Variants in EFCAB8 observed in about 807,000 individuals in gnomAD.
EFCAB8 encodes EF-hand calcium binding domain 8.
EFCAB8 carries 100 observed loss-of-function variants against 116.3 expected under a neutral mutation model. The observed-to-expected ratio is 0.86, with a 90% confidence interval of 0.73 to 1.02. The LOEUF is 1.02. Ranked by LOEUF, EFCAB8 falls within the 50% of genes least tolerant of loss-of-function variation. The pLI is 0.00. For synonymous variants in EFCAB8, 558 were observed against 567.9 expected (o/e 0.98, Z 0.25); for missense variants, 1,320 against 1,416.9 (o/e 0.93, Z 1.10).
chr20:32,956,555 G>A (rs1403286726), intron 23 of EFCAB8, among the ~76,000 whole-genome samples: 3 of 151,812 alleles, frequency 2.0e-5, no homozygotes, highest in Non-Finnish European at 2.9e-5. Flanking sequence ...TATTTTACTG[G>A]GTATAGAATT....
intron 11 of EFCAB8, among the ~76,000 whole-genome samples, chr20:32,903,206 C>T (rs924881601): frequency 3.9e-5 from 6 of 152,240 alleles, no homozygotes; most frequent in South Asian, 4.1e-4. Flanking sequence ...CCCACCACAC[C>T]GGCCTTGCAT....
At chr20:32,946,961 G>A (rs565584800) in intron 23 of EFCAB8, among the ~76,000 whole-genome samples, 97 of 152,308 alleles carry the variant, frequency 6.4e-4, no homozygotes, top group Non-Finnish European at 1.0e-3. Context: ...GAACGTATCA[G>A]TAGTTTGTTC....
At chr20:32,886,732 C>A (rs968493960) in intron 6 of EFCAB8, among the ~76,000 whole-genome samples, 2 of 152,304 alleles carry the variant, frequency 1.3e-5, no homozygotes, top group East Asian at 3.9e-4. Context: ...CAAAGCACCT[C>A]CAAAGGCTGA....
At chr20:32,894,070 A>G (rs1986046732) in intron 9 of EFCAB8, among the ~76,000 whole-genome samples, 2 of 152,192 alleles carry the variant, frequency 1.3e-5, no homozygotes, top group Non-Finnish European at 1.5e-5. Context: ...CTAGATCCCC[A>G]GAGGATACGG....
intron 23 of EFCAB8, among the ~76,000 whole-genome samples, chr20:32,950,371 A>C (rs1812905593): frequency 6.6e-6 from 1 of 152,252 alleles, no homozygotes; most frequent in South Asian, 2.1e-4. Flanking sequence ...AAGAGGTTTG[A>C]ATAGACACTT....
chr20:32,872,633 A>C (rs1984740487), intron 3 of EFCAB8, among the ~76,000 whole-genome samples: 1 of 151,762 alleles, frequency 6.6e-6, no homozygotes, highest in African/African-American at 2.4e-5. Context: ...GTCCCTACTA[A>C]AAATACAAAA....
chr20:32,918,403 C>T lies in EFCAB8; in HGVS notation c.2103C>T (p.Pro701=). ...VNNCLAESHR[P]SRPYVEREKW... ...ACTGCCTGGCTGAGAGCCACAGGCC[C>T]AGCAGACCCTATGTGGAGCGGGAGA... The change falls in exon 19 of 27, where the codon CCC becomes CCT. Residue 701 remains proline, a synonymous_variant. Coordinates refer to ENST00000400522, the MANE Select transcript of EFCAB8 (RefSeq NM_001143967.2). The T allele has an allele frequency of 6.4e-7, 1 of 1,551,746 alleles. No homozygotes were observed. Among genetic ancestry groups the T allele is most frequent in the African/African-American group, 1.4e-5 (1 of 73,172 alleles).
chr20:32,931,895 A>G (rs886885687), intron 22 of EFCAB8, among the ~76,000 whole-genome samples: 1 of 152,256 alleles, frequency 6.6e-6, no homozygotes, highest in African/African-American at 2.4e-5. Flanking sequence ...ACTCACTACA[A>G]AATGGAGAAC....
At chr20:32,954,324 T>C (rs532333518) in intron 23 of EFCAB8, among the ~76,000 whole-genome samples, 1 of 152,354 alleles carries the variant, frequency 6.6e-6, no homozygotes, top group South Asian at 2.1e-4. Flanking sequence ...AAAATAACAG[T>C]CCAGTTTTAC....
intron 20 of EFCAB8, among the ~76,000 whole-genome samples, chr20:32,920,980 C>G (rs1987423906): frequency 6.6e-6 from 1 of 152,152 alleles, no homozygotes; most frequent in South Asian, 2.1e-4. Context: ...GTACCTTCCC[C>G]TTTCTGACCC....
intron 23 of EFCAB8, among the ~76,000 whole-genome samples, chr20:32,957,623 T>A (rs1989011817): frequency 6.6e-6 from 1 of 152,188 alleles, no homozygotes; most frequent in East Asian, 1.9e-4. Flanking sequence ...GCCTCCCTGG[T>A]GCTCGGCAAA....
intron 12 of EFCAB8, 59 bp downstream of exon 12, chr20:32,906,688 G>T: frequency 2.8e-6 from 2 of 717,836 alleles, no homozygotes; most frequent in Non-Finnish European, 5.2e-6. Flanking sequence ...GGGATGGGGG[G>T]ACCACCAGAG....
intron 4 of EFCAB8, among the ~76,000 whole-genome samples, chr20:32,876,426 C>T (rs1984978566): frequency 6.6e-6 from 1 of 150,798 alleles, no homozygotes; most frequent in African/African-American, 2.5e-5. Flanking sequence ...GTGGCTGTTA[C>T]ATCTAAAAGT....
intron 1 of EFCAB8, among the ~76,000 whole-genome samples, chr20:32,860,931 G>A (rs1487150758): frequency 1.3e-5 from 2 of 151,918 alleles, no homozygotes; most frequent in Admixed American, 1.3e-4. Context: ...GTACAGATGG[G>A]GTTTCACCAT....
Position 32,896,445 on chromosome 20 carries a change from C to A in EFCAB8, c.884-9C>A. The A allele has an allele frequency of 1.4e-6, 1 of 718,406 alleles. No homozygotes were observed. The highest frequency in any genetic ancestry group is 2.6e-6 in the Non-Finnish European group (1 of 385,034). 44.5% of individuals were successfully genotyped at this position (718,406 alleles called of 1,614,324 possible). A position where few individuals can be genotyped will look rare whatever the true frequency, so the allele number is the denominator to read the frequency against. On this transcript the variant is annotated splice_polypyrimidine_tract_variant and intron_variant, in intron 9 of 26. Coordinates refer to ENST00000400522, the MANE Select transcript of EFCAB8 (RefSeq NM_001143967.2). ...TGCTGATGTGGACCTTGGTTTTTTC[C>A]CCTATCAGATCACTGGATCAAAGTT... is the stretch of plus-strand genomic sequence containing the variant.
intron 5 of EFCAB8, among the ~76,000 whole-genome samples, chr20:32,882,942 G>A (rs922250650): frequency 6.6e-6 from 1 of 151,926 alleles, no homozygotes; most frequent in Admixed American, 6.6e-5. Context: ...TGATCTGCCC[G>A]CCTCGGCCTC....
chr20:32,884,001 G>T (rs572396297), intron 5 of EFCAB8, among the ~76,000 whole-genome samples: 1 of 152,274 alleles, frequency 6.6e-6, no homozygotes, highest in South Asian at 2.1e-4. Flanking sequence ...CTTCCAAAGT[G>T]CTGGGATTAC....
At chr20:32,923,710 A>G (rs535729631) in intron 20 of EFCAB8, among the ~76,000 whole-genome samples, 2 of 152,304 alleles carry the variant, frequency 1.3e-5, no homozygotes, top group South Asian at 4.1e-4. Flanking sequence ...TGCATGTATT[A>G]TTCCGGGACT....
At chr20:32,865,962 T>C (rs1984379263) in intron 2 of EFCAB8, among the ~76,000 whole-genome samples, 1 of 151,888 alleles carries the variant, frequency 6.6e-6, no homozygotes. Context: ...GGCTTATATG[T>C]AGGAGATGGA....
Sources: allele counts gnomAD v4.1 joint callset (sites outside exome capture counted in the v4.1 genomes callset), GRCh38; gene constraint gnomAD v4.1.1; transcripts MANE v1.5; gene names NCBI Gene and HGNC (gene_info 2026-07-23, HGNC 2026-07-21).